Variants in EPHB2 observed in about 807,000 individuals in gnomAD.
The protein encoded by EPHB2 is ephrin type-B receptor 2.
EPHB2 carries 18 observed loss-of-function variants against 96.4 expected under a neutral mutation model. That is an observed-to-expected ratio of 0.19 (90% CI 0.13 to 0.28). The LOEUF (loss-of-function observed/expected upper bound fraction) is 0.28, where lower values mean the gene tolerates loss of function less well. EPHB2 is among the 10% of genes least tolerant of loss of function. The pLI is 1.00. For synonymous variants in EPHB2, 506 were observed against 534.1 expected, an observed-to-expected ratio of 0.95 and a Z score of 0.72; for missense variants, 989 against 1,355.4, an observed-to-expected ratio of 0.73 and a Z score of 4.25.
intron 11 of EPHB2, among the ~76,000 whole-genome samples, chr1:22,907,230 G>C (rs1639947037): frequency 6.6e-6 from 1 of 152,212 alleles, no homozygotes; most frequent in Non-Finnish European, 1.5e-5. Flanking sequence ...GCACACATCT[G>C]AAATCTGTTT....
At chr1:22,791,549 C>G (rs190617703) in intron 3 of EPHB2, among the ~76,000 whole-genome samples, 40 of 146,598 alleles carry the variant, frequency 2.7e-4, no homozygotes, top group Non-Finnish European at 5.1e-4. Context: ...CTCGTGGCCA[C>G]AAATGATCCT....
intron 4 of EPHB2, among the ~76,000 whole-genome samples, chr1:22,864,397 C>T (rs1416029630): frequency 6.6e-6 from 1 of 152,180 alleles, no homozygotes; most frequent in African/African-American, 2.4e-5. Flanking sequence ...CCAGCCATCA[C>T]CCACATTTTA....
chr1:22,751,423 C>A (rs921820942), intron 1 of EPHB2, among the ~76,000 whole-genome samples: 1 of 152,202 alleles, frequency 6.6e-6, no homozygotes, highest in African/African-American at 2.4e-5. Context: ...CAGATCTGAG[C>A]CCCAAGGCCC....
At chr1:22,739,120 G>T (rs1035415635) in intron 1 of EPHB2, among the ~76,000 whole-genome samples, 2 of 152,024 alleles carry the variant, frequency 1.3e-5, no homozygotes, top group African/African-American at 4.8e-5. Flanking sequence ...GCTCACTGCA[G>T]CCTCGAACTC....
intron 1 of EPHB2, among the ~76,000 whole-genome samples, chr1:22,759,805 T>C (rs917517178): frequency 4.6e-5 from 7 of 152,092 alleles, no homozygotes; most frequent in African/African-American, 1.7e-4. Flanking sequence ...CAGCTAACCT[T>C]CCTTGATGAC....
chr1:22,814,060 T>G (rs1045525898), intron 3 of EPHB2, among the ~76,000 whole-genome samples: 1 of 151,992 alleles, frequency 6.6e-6, no homozygotes, highest in Non-Finnish European at 1.5e-5. Flanking sequence ...TAATCCCAGC[T>G]ACTCAGGAGG....
rs199956708 is a variant in EPHB2, at chr1:22,854,506, T to A, written c.812-8531T>A. 7.7e-4 allele frequency among the ~76,000 whole-genome samples: 117 copies of A among 152,272 alleles called. 2 individuals are homozygous for A. The East Asian group carries it at 0.021, about 28-fold the overall frequency. Reference sequence around the variant, plus strand: ...CAGCCTGGGTGATAGAGTGAGAACCTGTCTCAAAAGAAAGAAAAAAAATTA... The same window carrying A: ...CAGCCTGGGTGATAGAGTGAGAACCAGTCTCAAAAGAAAGAAAAAAAATTA... On this transcript the variant is annotated intron_variant, in intron 3 of 15. Coordinates refer to ENST00000374630, the MANE Select transcript of EPHB2 (RefSeq NM_017449.5).
At chr1:22,746,814 G>A (rs1643982529) in intron 1 of EPHB2, among the ~76,000 whole-genome samples, 1 of 152,126 alleles carries the variant, frequency 6.6e-6, no homozygotes, top group African/African-American at 2.4e-5. Context: ...CTGGGATTCA[G>A]ACCCCGCTCT....
chr1:22,830,792 T>C (rs960257571), intron 3 of EPHB2, among the ~76,000 whole-genome samples: 5 of 152,104 alleles, frequency 3.3e-5, no homozygotes, highest in African/African-American at 1.2e-4. Context: ...CCTGACCTCA[T>C]GATCCACCCG....
chr1:22,800,731 C>T (rs971524706), intron 3 of EPHB2, among the ~76,000 whole-genome samples: 1 of 151,838 alleles, frequency 6.6e-6, no homozygotes, highest in African/African-American at 2.4e-5. Flanking sequence ...TGTGCACGCA[C>T]ATGGCTGGAT....
intron 3 of EPHB2, among the ~76,000 whole-genome samples, chr1:22,789,808 G>C (rs1319294462): frequency 6.6e-6 from 1 of 152,194 alleles, no homozygotes; most frequent in Non-Finnish European, 1.5e-5. Context: ...CAACAATAGA[G>C]ATCAAAAAGT....
Position 22,781,436 on chromosome 1 carries a change from C to G in EPHB2, c.77C>G (p.Ser26Cys). 1 of 1,614,072 alleles carries G rather than the reference C, an allele frequency of 6.2e-7. No individual in the cohort carries two copies. The highest frequency in any genetic ancestry group is 8.5e-7 in the Non-Finnish European group (1 of 1,179,994). ...LAAVEETLMD[S>C]TTATAELGWM... The stretch of plus-strand genomic sequence containing the variant: ...CTCCCCACAGAAACGCTAATGGACT[C>G]CACTACAGCGACTGCTGAGCTGGGC... The change falls in exon 2 of 16, where the codon TCC (serine) becomes TGC (cysteine). Residue 26 changes from serine (S) to cysteine (C), a missense_variant. By Grantham distance (112) the Ser-to-Cys change is moderately radical (BLOSUM62 -1). Transcript: ENST00000374630.
At chr1:22,908,897 A>G in intron 12 of EPHB2, 125 bp from the exon 13 acceptor site, 1 of 1,449,430 alleles carries the variant, frequency 6.9e-7, no homozygotes, top group African/African-American at 1.4e-5. Context: ...CTGCATGGTA[A>G]GTTTGGGGCA....
chr1:22,735,939 A>G (rs1353119518), intron 1 of EPHB2, among the ~76,000 whole-genome samples: 1 of 152,178 alleles, frequency 6.6e-6, no homozygotes, highest in African/African-American at 2.4e-5. Context: ...ACAGTGGATA[A>G]GAGTGTGGGC....
chr1:22,729,796 A>G (rs150360441), intron 1 of EPHB2, among the ~76,000 whole-genome samples: 1 of 152,356 alleles, frequency 6.6e-6, no homozygotes, highest in African/African-American at 2.4e-5. Flanking sequence ...CCAGACCGTC[A>G]ACTTTACAAG....
At chr1:22,773,765 G>T (rs1027223624) in intron 1 of EPHB2, among the ~76,000 whole-genome samples, 8 of 152,130 alleles carry the variant, frequency 5.3e-5, no homozygotes, top group African/African-American at 1.9e-4. Context: ...GCCCTGTCCT[G>T]TGCTACCATC....
rs139245060 is a variant in EPHB2, at chr1:22,846,135, G to A, written c.812-16902G>A. Among the ~76,000 whole-genome samples, 1,436 of 152,250 alleles carry A rather than the reference G, an allele frequency of 9.4e-3. 18 individuals carry two copies. The highest frequency in any genetic ancestry group is 0.032 in the African/African-American group (1,327 of 41,542). On this transcript the variant is annotated intron_variant, in intron 3 of 15. Coordinates refer to ENST00000374630, the MANE Select transcript of EPHB2 (RefSeq NM_017449.5). This position sits in a 1 kb window ranked among gnomAD's most constrained non-coding sequence, Gnocchi z 4.3. ...TAATGATTCAAGAATGTCCCAGGGC[G>A]TGGCCAGGTGCGGTGGTTCACACCT...
chr1:22,840,166 G>A (rs1377610501), intron 3 of EPHB2, among the ~76,000 whole-genome samples: 1 of 152,194 alleles, frequency 6.6e-6, no homozygotes, highest in Non-Finnish European at 1.5e-5. Flanking sequence ...CAAAATGGGA[G>A]AAATAGTGCC....
At chr1:22,887,402 T>G (rs1639260271) in intron 6 of EPHB2, among the ~76,000 whole-genome samples, 1 of 152,136 alleles carries the variant, frequency 6.6e-6, no homozygotes, top group Non-Finnish European at 1.5e-5. Context: ...CCAGTCTTCC[T>G]AGGAAGGGAA....
Sources: gnomAD v4.1 joint callset for allele counts (sites outside exome capture counted in the v4.1 genomes callset) on GRCh38, gnomAD v4.1.1 for gene constraint, Gnocchi (gnomAD v3.1) non-coding constraint, MANE v1.5 for transcripts, NCBI Gene and HGNC (gene_info 2026-07-23, HGNC 2026-07-21) for gene names.